The following SERPINB3 variants were observed in gnomAD, a reference collection of about 807,000 sequenced individuals.
SERPINB3 encodes serpin family B member 3.
In SERPINB3, 33 loss-of-function variants were observed where a neutral mutation model predicts 33.0. The observed-to-expected ratio is 1.00, with a 90% CI of 0.76 to 1.34. The LOEUF (loss-of-function observed/expected upper bound fraction) is 1.34. Among genes scored for constraint, SERPINB3 ranks in the 40% most tolerant of loss-of-function variants. The pLI is 0.00. For synonymous variants in SERPINB3, 200 were observed against 170.9 expected (o/e 1.17, Z -1.33); for missense variants, 518 against 461.5 (o/e 1.12, Z -1.12).
In SERPINB3 at chr18:63,656,023, C is replaced by A; in HGVS notation, c.807G>T (p.Trp269Cys). 1.2e-6 allele frequency: 2 copies of A among 1,613,804 alleles called. No homozygotes were observed. The highest frequency in any genetic ancestry group is 8.5e-7 in the Non-Finnish European group (1 of 1,179,866). The change falls in exon 8 of 8, where the codon TGG becomes TGT. Residue 269 changes from tryptophan (W) to cysteine (C), a missense_variant. Trp to Cys is a radical substitution (Grantham distance 215, BLOSUM62 -2). Coordinates refer to ENST00000283752, the MANE Select transcript of SERPINB3 (RefSeq NM_006919.3). ...TCTCTCTCATATTCTGCAAACTTGTCCATTCCATCAATTTCTCAGCAGTGA... is the reference window on the plus strand; with the variant it reads ...TCTCTCTCATATTCTGCAAACTTGTACATTCCATCAATTTCTCAGCAGTGA... ...EKLTAEKLMEWTSLQNMRETR... is the reference protein window; with the variant it reads ...EKLTAEKLMECTSLQNMRETR...
rs758354721 is a variant in SERPINB3, at chr18:63,661,131, TAGA to T, written c.83_85del (p.Phe28del). ...TGCTGATGTGATGCTGATAGGGGAA[TAGA>T]AGATGTTGTTCTCTTTTGATTTTCT... is the stretch of plus-strand genomic sequence containing the variant. On this transcript the variant is annotated inframe_deletion, in exon 2 of 8. Transcript: ENST00000283752. 1.2e-6 allele frequency: 2 copies of T among 1,613,678 alleles called. No individual in the cohort carries two copies. Among genetic ancestry groups the T allele is most frequent in the Non-Finnish European group, 1.7e-6 (2 of 1,179,684 alleles).
intron 3 of SERPINB3, among the ~76,000 whole-genome samples, chr18:63,660,263 A>C (rs764275347): frequency 6.6e-6 from 1 of 152,120 alleles, no homozygotes; most frequent in African/African-American, 2.4e-5. Context: ...CATAGCAATC[A>C]TTTTCCAAAA....
In SERPINB3 at chr18:63,655,658, T is replaced by C. The variant is rs1377215882; in HGVS notation, c.1172A>G (p.Ter391TrpextTer103). Reference sequence around the variant, plus strand: ...AATGGAGTGACAGACTAATTGCATCTACGGGGATGAGAATCTGCCATAGAA... The same window carrying C: ...AATGGAGTGACAGACTAATTGCATCCACGGGGATGAGAATCTGCCATAGAA... ...ILFYGRFSSP* is the reference protein window; with the variant it reads ...ILFYGRFSSPW The change falls in exon 8 of 8, where the codon TAG becomes TGG. Residue 391 changes from the stop codon to tryptophan, a stop_lost. Coordinates refer to ENST00000283752, the MANE Select transcript of SERPINB3 (RefSeq NM_006919.3). 5.0e-6 allele frequency: 8 copies of C among 1,602,754 alleles called. No individual in the cohort carries two copies. Among genetic ancestry groups the C allele is most frequent in the Non-Finnish European group, 6.8e-6 (8 of 1,173,048 alleles).
Position 63,659,454 on chromosome 18 carries a change from T to A in SERPINB3, c.296A>T (p.Tyr99Phe). ...LTEFNKSTDA[Y>F]ELKIANKLFG... ...GAGCTTGTTGGCGATCTTCAGCTCA[T>A]ATGCATCAGTGGATTTGTTGAATTC... Residue 99 changes from tyrosine (Y) to phenylalanine (F), a missense_variant, in exon 4 of 8, where the codon TAT becomes TTT. By Grantham distance (22) the Tyr-to-Phe change is conservative. Coordinates refer to ENST00000283752, the MANE Select transcript of SERPINB3 (RefSeq NM_006919.3). 6.2e-7 allele frequency: 1 copy of A among 1,613,710 alleles called. No homozygotes were observed. Among genetic ancestry groups the A allele is most frequent in the South Asian group, 1.1e-5 (1 of 91,074 alleles).
chr18:63,656,490 A>G (rs1041241271), intron 7 of SERPINB3, among the ~76,000 whole-genome samples: 3 of 152,166 alleles, frequency 2.0e-5, no homozygotes, highest in Non-Finnish European at 4.4e-5. Context: ...GCAATTCCCC[A>G]AATTCCTAAA....
rs767297432 is a variant in SERPINB3, at chr18:63,655,394, G to C, written c.*263C>G. 6 of 365,124 alleles carry C rather than the reference G, an allele frequency of 1.6e-5. No homozygotes were observed. In the East Asian group the frequency reaches 2.6e-4, roughly 16 times the overall value. 22.6% of individuals were successfully genotyped at this position (365,124 alleles called of 1,614,324 possible). A position where few individuals can be genotyped will look rare whatever the true frequency, so the allele number is the denominator to read the frequency against. On this transcript the variant is annotated 3_prime_UTR_variant, in exon 8 of 8. Coordinates refer to ENST00000283752, the MANE Select transcript of SERPINB3 (RefSeq NM_006919.3). The stretch of plus-strand genomic sequence containing the variant: ...ATTATATTTCAAATTTAGAAGATAC[G>C]GTATTAAGTGATTCATCTTATTTTG...
chr18:63,656,697 G>A (rs1568170395), intron 7 of SERPINB3, 134 bp downstream of exon 7: 1 of 1,028,486 alleles, frequency 9.7e-7, no homozygotes. Context: ...ATATGAAGGT[G>A]AGTCATCATT....
rs1464405810 is a variant in SERPINB3 at position 63,655,657 on chromosome 18, C to T, written c.1173G>A (p.Ter391=). The change falls in exon 8 of 8, where the codon TAG becomes TAA. Residue 391 remains the stop codon, a stop_retained_variant. Transcript: ENST00000283752. The part of the protein sequence containing the change: ...ILFYGRFSSP[*] ...AAATGGAGTGACAGACTAATTGCATCTACGGGGATGAGAATCTGCCATAGA... is the reference window on the plus strand; with the variant it reads ...AAATGGAGTGACAGACTAATTGCATTTACGGGGATGAGAATCTGCCATAGA... 1.2e-6 allele frequency: 2 copies of T among 1,601,788 alleles called. No homozygotes were observed. The highest frequency in any genetic ancestry group is 1.7e-5 in the Admixed American group (1 of 59,458).
chr18:63,659,450 C>G lies in SERPINB3; in HGVS notation c.300G>C (p.Glu100Asp). 1 of 1,613,620 alleles carries G rather than the reference C, an allele frequency of 6.2e-7. No homozygotes were observed. The highest frequency in any genetic ancestry group is 1.1e-5 in the South Asian group (1 of 91,072). The change falls in exon 4 of 8, where the codon GAG (glutamate) becomes GAC (aspartate). Residue 100 changes from glutamate to aspartate, a missense_variant. Glu to Asp is a conservative substitution (Grantham distance 45). Transcript: ENST00000283752. Reference protein sequence around the residue: ...TEFNKSTDAYELKIANKLFGE... With the variant: ...TEFNKSTDAYDLKIANKLFGE... Reference sequence around the variant, plus strand: ...CGAAGAGCTTGTTGGCGATCTTCAGCTCATATGCATCAGTGGATTTGTTGA... The same window carrying G: ...CGAAGAGCTTGTTGGCGATCTTCAGGTCATATGCATCAGTGGATTTGTTGA...
Position 63,659,509 on chromosome 18 carries a change from C to T in SERPINB3, c.241G>A (p.Val81Ile). The change falls in exon 4 of 8, where the codon GTT (valine) becomes ATT (isoleucine). Residue 81 changes from valine to isoleucine, a missense_variant. Val to Ile is a conservative substitution (Grantham distance 29). Transcript: ENST00000283752. ...ATYHVDRSGN[V>I]HHQFQKLLTE... ...AGAAGCTTTTGAAACTGGTGATGAA[C>T]ATTTCCTGACCTATCAACCTTCAAA... The T allele has an allele frequency of 6.2e-7, 1 of 1,613,566 alleles. No individual in the cohort carries two copies. The highest frequency in any genetic ancestry group is 8.5e-7 in the Non-Finnish European group (1 of 1,179,636).
rs761456774 is a variant in SERPINB3 at position 63,659,384 on chromosome 18, G to T, written c.351+15C>A. On this transcript the variant is annotated intron_variant, in intron 4 of 7. Coordinates refer to ENST00000283752, the MANE Select transcript of SERPINB3 (RefSeq NM_006919.3). ...CAGGATGCAAATGAAATGTGGGTAG[G>T]CCAGGTGAAATTACCTGTAAAAATA... 4.7e-6 allele frequency: 7 copies of T among 1,474,026 alleles called. No individual in the cohort carries two copies. Among genetic ancestry groups the T allele is most frequent in the Non-Finnish European group, 6.3e-6 (7 of 1,117,610 alleles). The allele number at this position is 1,474,026 out of a possible 1,614,324, so 91.3% of individuals were successfully genotyped here.
chr18:63,657,735 C>A (rs1913535238), intron 5 of SERPINB3, among the ~76,000 whole-genome samples: 1 of 151,278 alleles, frequency 6.6e-6, no homozygotes, highest in African/African-American at 2.4e-5. Context: ...ACTCTTTCAA[C>A]ATGTGTCTTT....
rs1047260 is a variant in SERPINB3, at chr18:63,655,416, T to G, written c.*241A>C. 2 of 458,926 alleles carry G rather than the reference T, an allele frequency of 4.4e-6. No homozygotes were observed. The highest frequency in any genetic ancestry group is 7.6e-6 in the Non-Finnish European group (2 of 261,830). The allele number at this position is 458,926 out of a possible 1,614,324, so 28.4% of individuals were successfully genotyped here. A position where few individuals can be genotyped will look rare whatever the true frequency, so the allele number is the denominator to read the frequency against. On this transcript the variant is annotated 3_prime_UTR_variant, in exon 8 of 8. Coordinates refer to ENST00000283752, the MANE Select transcript of SERPINB3 (RefSeq NM_006919.3). ...TACGGTATTAAGTGATTCATCTTAT[T>G]TTGGACATTTTTCCTCAAGGAGAAT...
Position 63,655,997 on chromosome 18 carries a change from G to T in SERPINB3, c.833C>A (p.Thr278Lys), listed in dbSNP as rs1055589080. Residue 278 changes from threonine to lysine, a missense_variant, in exon 8 of 8, where the codon ACA (threonine) becomes AAA (lysine). Coordinates refer to ENST00000283752, the MANE Select transcript of SERPINB3 (RefSeq NM_006919.3). ...EWTSLQNMRE[T>K]RVDLHLPRFK... ...CCGAGGTAAGTGTAAATCGACACGT[G>T]TCTCTCTCATATTCTGCAAACTTGT... The T allele has an allele frequency of 6.2e-7, 1 of 1,613,810 alleles. No individual in the cohort carries two copies. The highest frequency in any genetic ancestry group is 8.5e-7 in the Non-Finnish European group (1 of 1,179,938).
intron 6 of SERPINB3, 110 bp downstream of exon 6, chr18:63,657,160 C>T (rs573486366): frequency 2.2e-6 from 2 of 900,900 alleles, no homozygotes; most frequent in African/African-American, 3.4e-5. Context: ...ACTAAAACAA[C>T]AAAAAAACAG....
At position 63,661,314 on chromosome 18, in the gene SERPINB3, A is replaced by T. The variant is rs965936349; in HGVS notation, c.-26-72T>A. 3 of 1,466,690 alleles carry T rather than the reference A, an allele frequency of 2.0e-6. No homozygotes were observed. In the African/African-American group the frequency reaches 4.3e-5, roughly 21 times the overall value. 90.9% of individuals were successfully genotyped at this position (1,466,690 alleles called of 1,614,324 possible). A position where few individuals can be genotyped will look rare whatever the true frequency, so the allele number is the denominator to read the frequency against. On this transcript the variant is annotated intron_variant, in intron 1 of 7. Coordinates refer to ENST00000283752, the MANE Select transcript of SERPINB3 (RefSeq NM_006919.3). ...TGGTATTTTGTAGTACAATTTTCTT[A>T]AAGAAATTATATATCTGTGTTGTGA...
chr18:63,657,187 T>A, intron 6 of SERPINB3, 83 bp downstream of exon 6: 1 of 922,622 alleles, frequency 1.1e-6, no homozygotes, highest in Non-Finnish European at 1.6e-6. Context: ...ACAATTTTAT[T>A]TTTTACTTGT....
chr18:63,656,822 A>C lies in SERPINB3; in HGVS notation c.768+9T>G, dbSNP rs543275784. 6.3e-7 allele frequency: 1 copy of C among 1,592,344 alleles called. No individual in the cohort carries two copies. Among genetic ancestry groups the C allele is most frequent in the East Asian group, 2.2e-5 (1 of 44,574 alleles). On this transcript the variant is annotated intron_variant, in intron 7 of 7. Coordinates refer to ENST00000283752, the MANE Select transcript of SERPINB3 (RefSeq NM_006919.3). ...AGTAGAAGGAAGAGTTGTAGATGCA[A>C]GTTCTTACCTTCTGGAGACCATCGA...
At chr18:63,660,275 A>G (rs1020343724) in intron 3 of SERPINB3, among the ~76,000 whole-genome samples, 1 of 152,168 alleles carries the variant, frequency 6.6e-6, no homozygotes, top group Non-Finnish European at 1.5e-5. Flanking sequence ...TTTCCAAAAT[A>G]TAGTTGGACT....
Sources: allele counts gnomAD v4.1 joint callset (sites outside exome capture counted in the v4.1 genomes callset), GRCh38; gene constraint gnomAD v4.1.1; transcripts MANE v1.5; gene names NCBI Gene and HGNC (gene_info 2026-07-23, HGNC 2026-07-21).